Variants in CPS1 observed in about 807,000 individuals in gnomAD.
The protein encoded by CPS1 is carbamoyl-phosphate synthase 1, also known as carbamoyl-phosphate synthase [ammonia], mitochondrial.
In CPS1, 109 loss-of-function variants were observed where a neutral mutation model predicts 174.6. The observed-to-expected ratio is 0.62, with a 90% CI of 0.53 to 0.73. The LOEUF is 0.73. Among genes scored for constraint, CPS1 ranks in the 30% least tolerant of loss-of-function variants. The pLI is 0.00. For synonymous variants in CPS1, 637 were observed against 632.0 expected (o/e 1.01, Z -0.12); for missense variants, 1,689 against 1,821.9 (o/e 0.93, Z 1.33).
In CPS1 at chr2:210,508,913, G is replaced by A. The variant is rs368585399; in HGVS notation, c.3+31147G>A. On this transcript the variant is annotated intron_variant, in intron 1 of 38. Coordinates refer to the CPS1 transcript ENST00000430249. ...ATAGCTTACCAACCAAAAAAAGTCCGGGACCAGACAGATTCACAGCTGAAT... is the reference window on the plus strand; with the variant it reads ...ATAGCTTACCAACCAAAAAAAGTCCAGGACCAGACAGATTCACAGCTGAAT... 3.7e-4 allele frequency among the ~76,000 whole-genome samples: 57 copies of A among 152,094 alleles called. 1 individual carries two copies. The East Asian group carries it at 5.2e-3, about 14-fold the overall frequency.
At position 210,618,938 on chromosome 2, in the gene CPS1, A is replaced by G. The variant is rs949248531; in HGVS notation, c.2687+2397A>G. ...TAGTTGTTCTTTTTCATTTGTATTT[A>G]TTTATGGTTTACTTTGAAGATCTCA... On this transcript the variant is annotated intron_variant, in intron 21 of 37. Coordinates refer to ENST00000233072, the MANE Select transcript of CPS1 (RefSeq NM_001875.5). 5.9e-5 allele frequency: 9 copies of G among 152,124 alleles called. No individual in the cohort carries two copies. The East Asian group carries it at 1.6e-3, about 26-fold the overall frequency. The allele number at this position is 152,124 out of a possible 1,614,324, so 9.4% of individuals were successfully genotyped here.
At chr2:210,660,385 C>T (rs1244179489) in intron 31 of CPS1, 100 bp from the exon 32 acceptor site, 2 of 1,190,724 alleles carry the variant, frequency 1.7e-6, no homozygotes, top group East Asian at 2.3e-5. Flanking sequence ...GAGCTGGTCC[C>T]CAGTTAATAA....
chr2:210,628,203 C>G (rs912140947), intron 21 of CPS1, among the ~76,000 whole-genome samples: 5 of 152,134 alleles, frequency 3.3e-5, no homozygotes, highest in African/African-American at 1.2e-4. Flanking sequence ...GATAAACTGA[C>G]AAGTATACAG....
In CPS1 at chr2:210,675,732, T is replaced by C. The variant is rs1025730217; in HGVS notation, c.4166T>C (p.Phe1389Ser). ...ATTTTTTCATTTTAAATGCAGCTGT[T>C]TGCCACGGAAGCCACATCAGACTGG... is the stretch of plus-strand genomic sequence containing the variant. ...EQLHNEGFKLFATEATSDWLN... is the reference protein window; with the variant it reads ...EQLHNEGFKLSATEATSDWLN... Residue 1389 changes from phenylalanine (F) to serine (S), a missense_variant, in exon 36 of 38, where the codon TTT becomes TCT. Physicochemically the swap from Phe to Ser is radical, Grantham distance 155. Coordinates refer to ENST00000233072, the MANE Select transcript of CPS1 (RefSeq NM_001875.5). The C allele has an allele frequency of 6.5e-7, 1 of 1,541,888 alleles. No homozygotes were observed. The highest frequency in any genetic ancestry group is 9.0e-7 in the Non-Finnish European group (1 of 1,114,002).
intron 28 of CPS1, among the ~76,000 whole-genome samples, chr2:210,652,196 A>G (rs1284540974): frequency 6.6e-6 from 1 of 152,224 alleles, no homozygotes; most frequent in East Asian, 1.9e-4. Context: ...AAACTGATAA[A>G]GCATTCCTTA....
At chr2:210,640,885 A>C (rs1040994615) in intron 24 of CPS1, among the ~76,000 whole-genome samples, 1 of 152,206 alleles carries the variant, frequency 6.6e-6, no homozygotes, top group African/African-American at 2.4e-5. Context: ...GTCTTAGTCC[A>C]TTTGTGCTGC....
At chr2:210,619,984 G>A (rs1172907239) in intron 21 of CPS1, 1 of 152,038 alleles carries the variant, frequency 6.6e-6, no homozygotes, top group Admixed American at 6.6e-5. Context: ...ACCTAATGTA[G>A]ATGACGGGTT....
At chr2:210,654,241 A>T in intron 29 of CPS1, 139 bp downstream of exon 29, 1 of 747,684 alleles carries the variant, frequency 1.3e-6, no homozygotes, top group Non-Finnish European at 2.3e-6. Context: ...TGTAAAAAAA[A>T]TCAAATTCTC....
At chr2:210,643,710 A>G (rs923196088) in intron 25 of CPS1, among the ~76,000 whole-genome samples, 2 of 152,126 alleles carry the variant, frequency 1.3e-5, no homozygotes, top group African/African-American at 4.8e-5. Context: ...TTTAGGAAGG[A>G]TGTATAATTA....
chr2:210,657,880 G>T (rs1056389292), intron 30 of CPS1, among the ~76,000 whole-genome samples: 1 of 152,186 alleles, frequency 6.6e-6, no homozygotes, highest in African/African-American at 2.4e-5. Flanking sequence ...CAGGATAAAT[G>T]ATCCTCAGAA....
upstream of CPS1, chr2:210,556,300 A>G: frequency 2.2e-6 from 1 of 456,538 alleles, no homozygotes. Context: ...CATATTAGGT[A>G]TCACATGTGA....
intron 21 of CPS1, among the ~76,000 whole-genome samples, chr2:210,630,877 A>T (rs1257936803): frequency 6.6e-6 from 1 of 152,148 alleles, no homozygotes; most frequent in Non-Finnish European, 1.5e-5. Flanking sequence ...AAACGCCAAA[A>T]ATAATAAGTG....
At chr2:210,564,778 A>C (rs1479538411) in intron 1 of CPS1, among the ~76,000 whole-genome samples, 2 of 151,890 alleles carry the variant, frequency 1.3e-5, no homozygotes, top group Non-Finnish European at 2.9e-5. Flanking sequence ...AGATCTCTTG[A>C]GGTCAGGAGT....
At chr2:210,676,931 G>A (rs1248221397) in intron 36 of CPS1, 76 bp from the exon 37 acceptor site, 4 of 1,456,276 alleles carry the variant, frequency 2.7e-6, no homozygotes, top group Non-Finnish European at 3.8e-6. Flanking sequence ...GGCTAAGAGA[G>A]CAATTTATGT....
At position 210,648,465 on chromosome 2, in the gene CPS1, T is replaced by C. The variant is rs778849242; in HGVS notation, c.3337-8T>C. ...TCATACATTTTTATTGTTGTTTCTA[T>C]TAATTAGAATGAAGCACTGGAATTT... On this transcript the variant is annotated splice_region_variant and splice_polypyrimidine_tract_variant and intron_variant, in intron 26 of 37. Transcript: ENST00000233072. 13 of 1,608,402 alleles carry C rather than the reference T, an allele frequency of 8.1e-6. No individual in the cohort carries two copies. The highest frequency in any genetic ancestry group is 1.1e-5 in the Non-Finnish European group (13 of 1,175,388).
At chr2:210,642,228 A>G (rs995955149) in intron 24 of CPS1, among the ~76,000 whole-genome samples, 2 of 152,216 alleles carry the variant, frequency 1.3e-5, no homozygotes, top group African/African-American at 4.8e-5. Flanking sequence ...TACTTCAAAT[A>G]TTGAGATTTT....
At chr2:210,492,343 A>G (rs569678775) in intron 1 of CPS1, among the ~76,000 whole-genome samples, 1 of 152,220 alleles carries the variant, frequency 6.6e-6, no homozygotes, top group Non-Finnish European at 1.5e-5. Context: ...TACAGAAGTC[A>G]GAAATAGGAC....
At chr2:210,502,020 T>C (rs116492934) in intron 1 of CPS1, among the ~76,000 whole-genome samples, 3,570 of 152,126 alleles carry the variant, frequency 0.023, 81 homozygotes, top group Non-Finnish European at 0.04. Context: ...AGGAGGCACC[T>C]CCTCACAGGG....
At chr2:210,577,016 A>T (rs1317351777) in intron 3 of CPS1, 2 of 280,110 alleles carry the variant, frequency 7.1e-6, no homozygotes, top group Non-Finnish European at 1.4e-5. Context: ...TTTTTGAATG[A>T]CTTCAACTGA....
Sources: allele counts gnomAD v4.1 joint callset (sites outside exome capture counted in the v4.1 genomes callset), GRCh38; gene constraint gnomAD v4.1.1; transcripts MANE v1.5; gene names NCBI Gene and HGNC (gene_info 2026-07-23, HGNC 2026-07-21).